The following TYR variants were observed in gnomAD, a reference collection of about 807,000 sequenced individuals.
TYR encodes the protein tyrosinase.
Under a neutral mutation model 51.5 loss-of-function variants are expected in TYR, and 58 were observed. That is an observed-to-expected ratio of 1.13 (90% confidence interval 0.91 to 1.40). The LOEUF (loss-of-function observed/expected upper bound fraction) is 1.40, where lower values mean the gene tolerates loss of function less well. Ranked by LOEUF, TYR falls within the 40% of genes most tolerant of loss-of-function variation. The probability of loss-of-function intolerance (pLI) is 0.00; values close to 1 mark genes in which losing one functional copy is unlikely to be tolerated. For missense variants in TYR, 732 were observed against 647.4 expected (o/e 1.13, Z -1.42); for synonymous variants, 263 against 235.2 (o/e 1.12, Z -1.08).
At chr11:89,243,111 G>A (rs1944220948) in intron 3 of TYR, among the ~76,000 whole-genome samples, 2 of 152,128 alleles carry the variant, frequency 1.3e-5, no homozygotes, top group African/African-American at 2.4e-5. Flanking sequence ...ATTCTCAAAA[G>A]TTTGTAGGTT....
intron 3 of TYR, among the ~76,000 whole-genome samples, chr11:89,231,382 C>T (rs1944048411): frequency 9.4e-6 from 1 of 106,338 alleles, no homozygotes. Flanking sequence ...AGGCAAGATA[C>T]AAAACCAACC....
At chr11:89,233,280 A>G (rs895526545) in intron 3 of TYR, among the ~76,000 whole-genome samples, 1 of 141,578 alleles carries the variant, frequency 7.1e-6, no homozygotes, top group South Asian at 2.4e-4. Flanking sequence ...GCCACAATTC[A>G]CTCATACCTT....
intron 3 of TYR, among the ~76,000 whole-genome samples, chr11:89,274,829 A>T (rs1312107745): frequency 6.6e-6 from 1 of 151,718 alleles, no homozygotes; most frequent in Admixed American, 6.6e-5. Flanking sequence ...TCATAACAAG[A>T]TATATTGTAC....
intron 2 of TYR, chr11:89,192,124 T>G (rs1168503195): frequency 3.1e-6 from 1 of 325,674 alleles, no homozygotes; most frequent in African/African-American, 2.3e-5. Context: ...TCATCAGAGA[T>G]TACATCTCAT....
At chr11:89,276,861 G>T (rs1944660809) in intron 3 of TYR, among the ~76,000 whole-genome samples, 1 of 151,762 alleles carries the variant, frequency 6.6e-6, no homozygotes, top group Non-Finnish European at 1.5e-5. Context: ...TAACAGAGTG[G>T]TAGCCAAGAC....
At chr11:89,237,759 C>T (rs974989104) in intron 3 of TYR, among the ~76,000 whole-genome samples, 1 of 152,080 alleles carries the variant, frequency 6.6e-6, no homozygotes, top group Non-Finnish European at 1.5e-5. Flanking sequence ...TGCATTGAAA[C>T]TGCAGATTGC....
intron 3 of TYR, among the ~76,000 whole-genome samples, chr11:89,257,149 G>A (rs1266888594): frequency 6.6e-6 from 1 of 151,864 alleles, no homozygotes; most frequent in Non-Finnish European, 1.5e-5. Context: ...TCTATCAGGG[G>A]TTCAACTAGC....
chr11:89,263,456 A>G (rs1307919833), intron 3 of TYR, among the ~76,000 whole-genome samples: 1 of 152,104 alleles, frequency 6.6e-6, no homozygotes, highest in Non-Finnish European at 1.5e-5. Context: ...GTAAAGAACA[A>G]GGCAAAGATG....
intron 3 of TYR, among the ~76,000 whole-genome samples, chr11:89,260,250 CA>C (rs778745472): frequency 0.036 from 3,294 of 90,828 alleles, 69 homozygotes; most frequent in African/African-American, 0.1. Flanking sequence ...GAATAAAATG[CA>C]AAAAAAAAAA....
At chr11:89,179,808 G>A (rs532502159) in intron 1 of TYR, among the ~76,000 whole-genome samples, 4 of 152,238 alleles carry the variant, frequency 2.6e-5, no homozygotes, top group South Asian at 2.1e-4. Flanking sequence ...AGGGGCAAAT[G>A]GTAACCAAAG....
chr11:89,222,522 T>A (rs538072796), intron 2 of TYR, among the ~76,000 whole-genome samples: 2 of 152,270 alleles, frequency 1.3e-5, no homozygotes, highest in African/African-American at 4.8e-5. Flanking sequence ...GTGGATCACC[T>A]GAGGTCAGTA....
chr11:89,265,843 T>C (rs1944520033), intron 3 of TYR, among the ~76,000 whole-genome samples: 1 of 152,062 alleles, frequency 6.6e-6, no homozygotes, highest in Non-Finnish European at 1.5e-5. Flanking sequence ...ACTAGCTTTT[T>C]TAAGACATAC....
intron 3 of TYR, among the ~76,000 whole-genome samples, chr11:89,275,978 T>C (rs1392308095): frequency 6.6e-6 from 1 of 151,852 alleles, no homozygotes; most frequent in East Asian, 1.9e-4. Flanking sequence ...ATATTAAGAG[T>C]TTATTTTATA....
Position 89,254,249 on chromosome 11 carries a change from G to A in TYR, c.1184+26279G>A, listed in dbSNP as rs1413731445. Among the ~76,000 whole-genome samples, 6 of 151,692 alleles carry A rather than the reference G, an allele frequency of 4.0e-5. No homozygotes were observed. The East Asian group carries it at 1.2e-3, about 29-fold the overall frequency. ...AGCTAGTATTTTGTTAAGCATTTTT[G>A]TATCTATGTTCACCAGGGATATTGG... On this transcript the variant is annotated intron_variant, in intron 3 of 4. Transcript: ENST00000263321.
At chr11:89,286,594 C>T (rs1185686124) in intron 4 of TYR, among the ~76,000 whole-genome samples, 1 of 151,748 alleles carries the variant, frequency 6.6e-6, no homozygotes, top group Non-Finnish European at 1.5e-5. Flanking sequence ...TTGGGGCTAA[C>T]AGGAGAGGCT....
At chr11:89,244,859 C>A (rs901744683) in intron 3 of TYR, among the ~76,000 whole-genome samples, 3 of 152,144 alleles carry the variant, frequency 2.0e-5, no homozygotes, top group Admixed American at 6.5e-5. Context: ...TATTATTCTC[C>A]AACTAGTTTC....
At position 89,220,727 on chromosome 11, in the gene TYR, G is replaced by T. The variant is rs370144020; in HGVS notation, c.1037-7096G>T. Among the ~76,000 whole-genome samples the T allele has an allele frequency of 5.6e-4, 85 of 152,042 alleles. 1 individual carries two copies. Among genetic ancestry groups the T allele is most frequent in the African/African-American group, 1.7e-3 (70 of 41,476 alleles). ...GGAGATCACACCACTGCACTCCAGC[G>T]CCTGGGCAACAAGAGCGAAACTCCG... On this transcript the variant is annotated intron_variant, in intron 2 of 4. Transcript: ENST00000263321.
intron 1 of TYR, among the ~76,000 whole-genome samples, chr11:89,190,298 T>TA (rs1479336055): frequency 6.6e-6 from 1 of 152,132 alleles, no homozygotes; most frequent in Non-Finnish European, 1.5e-5. Context: ...CCATGTGTAC[T>TA]ATTGCCCCTG....
chr11:89,271,149 A>G (rs1944584095), intron 3 of TYR, among the ~76,000 whole-genome samples: 1 of 151,850 alleles, frequency 6.6e-6, no homozygotes, highest in Non-Finnish European at 1.5e-5. Flanking sequence ...TAATAATAAC[A>G]TCTATACTTA....
Sources: allele counts gnomAD v4.1 joint callset (sites outside exome capture counted in the v4.1 genomes callset), GRCh38; gene constraint gnomAD v4.1.1; transcripts MANE v1.5; gene names NCBI Gene and HGNC (gene_info 2026-07-23, HGNC 2026-07-21).